The following C12orf50 variants were observed in gnomAD, a reference collection of about 807,000 sequenced individuals.
C12orf50 encodes the protein zinc finger CCCH-type containing 11D.
In C12orf50, 35 loss-of-function variants were observed where a neutral mutation model predicts 61.6. The observed-to-expected ratio is 0.57, with a 90% CI of 0.43 to 0.75. The LOEUF (loss-of-function observed/expected upper bound fraction) is 0.75, where lower values mean the gene tolerates loss of function less well. Ranked by LOEUF, C12orf50 falls within the 30% of genes least tolerant of loss-of-function variation. C12orf50 has a pLI of 0.00. For synonymous variants in C12orf50, 178 were observed against 161.5 expected, an observed-to-expected ratio of 1.10 and a Z score of -0.77; for missense variants, 475 against 488.5, an observed-to-expected ratio of 0.97 and a Z score of 0.26.
intron 3 of C12orf50, among the ~76,000 whole-genome samples, chr12:88,023,912 C>A (rs1001096116): frequency 6.6e-6 from 1 of 151,984 alleles, no homozygotes; most frequent in Non-Finnish European, 1.5e-5. Context: ...GGTCTAATAT[C>A]CAGAATTTAT....
At chr12:88,001,430 G>A (rs562373646) in intron 3 of C12orf50, among the ~76,000 whole-genome samples, 2 of 151,276 alleles carry the variant, frequency 1.3e-5, no homozygotes, top group African/African-American at 4.8e-5. Context: ...ATTTTGTTGA[G>A]TATTTTTCAG....
chr12:88,028,329 C>T (rs943527238), intron 1 of C12orf50, among the ~76,000 whole-genome samples: 1 of 152,134 alleles, frequency 6.6e-6, no homozygotes, highest in Non-Finnish European at 1.5e-5. Context: ...AGGTTGACTC[C>T]ATTCAGGTTT....
intron 4 of C12orf50, 126 bp from the exon 5 acceptor site, chr12:87,996,772 C>T: frequency 1.5e-6 from 1 of 667,194 alleles, no homozygotes; most frequent in East Asian, 2.8e-5. Flanking sequence ...TTTCTAAAAT[C>T]AATAATTTTA....
intron 3 of C12orf50, among the ~76,000 whole-genome samples, chr12:88,009,809 G>A (rs1256132926): frequency 6.6e-6 from 1 of 151,982 alleles, no homozygotes; most frequent in Non-Finnish European, 1.5e-5. Flanking sequence ...TTATTTGGTG[G>A]TTTATCTTTT....
At chr12:88,026,858 A>G in intron 2 of C12orf50, 93 bp downstream of exon 2, 14 of 1,508,702 alleles carry the variant, frequency 9.3e-6, no homozygotes, top group Non-Finnish European at 1.2e-5. Flanking sequence ...AGAAGGAAGA[A>G]TGATTTCTTC....
Position 87,987,871 on chromosome 12 carries a change from A to T in C12orf50, c.796T>A (p.Cys266Ser), listed in dbSNP as rs755232303. The change falls in exon 9 of 13, where the codon TGC becomes AGC. Residue 266 changes from cysteine (C) to serine (S), a missense_variant. By Grantham distance (112) the Cys-to-Ser change is moderately radical. Transcript: ENST00000298699. ...TCACTTGAAGAGGGGTCCTCTCTGC[A>T]CTTCATACTGATATTCTCAGTAGCA... ...LNATENISMK[C>S]REDPSSMNDV... 6.2e-7 allele frequency: 1 copy of T among 1,607,216 alleles called. No individual in the cohort carries two copies. Among genetic ancestry groups the T allele is most frequent in the Non-Finnish European group, 8.5e-7 (1 of 1,174,958 alleles).
chr12:87,996,533 A>G (rs377049749), intron 5 of C12orf50, 36 bp downstream of exon 5: 8 of 1,590,280 alleles, frequency 5.0e-6, no homozygotes, highest in Non-Finnish European at 6.9e-6. Context: ...TTATCACATC[A>G]AGTATTAGAA....
chr12:88,018,161 C>A (rs529321442), intron 3 of C12orf50, among the ~76,000 whole-genome samples: 2 of 152,188 alleles, frequency 1.3e-5, no homozygotes, highest in South Asian at 2.1e-4. Flanking sequence ...CCTAGGAGGA[C>A]AAAATGGTTT....
In C12orf50 at chr12:88,008,372, G is replaced by A. The variant is rs541344330; in HGVS notation, c.134-10182C>T. Among the ~76,000 whole-genome samples, 33 of 152,138 alleles carry A rather than the reference G, an allele frequency of 2.2e-4. No homozygotes were observed. In the South Asian group the frequency reaches 2.7e-3, roughly 12 times the overall value. Reference sequence around the variant, plus strand: ...AGGATGATGGCCTCCAACTCCATCCGTGTCCCTGCAAAGAATATGATCTCA... The same window carrying A: ...AGGATGATGGCCTCCAACTCCATCCATGTCCCTGCAAAGAATATGATCTCA... On this transcript the variant is annotated intron_variant, in intron 3 of 12. Transcript: ENST00000298699.
intron 12 of C12orf50, among the ~76,000 whole-genome samples, chr12:87,981,840 T>C (rs1413890015): frequency 6.6e-6 from 1 of 152,068 alleles, no homozygotes; most frequent in Non-Finnish European, 1.5e-5. Flanking sequence ...ATGGCTTGTC[T>C]TCCCCCTAAC....
intron 3 of C12orf50, among the ~76,000 whole-genome samples, chr12:88,003,064 GT>G (rs1312212689): frequency 2.0e-5 from 3 of 151,736 alleles, no homozygotes; most frequent in Admixed American, 6.6e-5. Flanking sequence ...ATAATTGTAT[GT>G]TTCTTAAAGG....
chr12:88,005,663 G>A lies in C12orf50; in HGVS notation c.134-7473C>T, dbSNP rs535328681. Among the ~76,000 whole-genome samples the A allele has an allele frequency of 3.5e-4, 53 of 152,024 alleles. No individual in the cohort carries two copies. The South Asian group carries it at 3.9e-3, about 11-fold the overall frequency. ...ATTTATTTATTTATTTTTTGGAGAC[G>A]GAGTCTCGCTCTGTCGCCCAGGCTG... On this transcript the variant is annotated intron_variant, in intron 3 of 12. Transcript: ENST00000298699.
intron 3 of C12orf50, among the ~76,000 whole-genome samples, chr12:88,002,365 T>C (rs549693790): frequency 5.5e-4 from 83 of 151,802 alleles, no homozygotes; most frequent in Non-Finnish European, 9.6e-4. Context: ...ATTTCAATCA[T>C]TTTAAATTTA....
At chr12:87,980,486 T>C (rs2030403908) in intron 12 of C12orf50, 130 bp from the exon 13 acceptor site, 4 of 797,498 alleles carry the variant, frequency 5.0e-6, no homozygotes, top group East Asian at 2.6e-5. Flanking sequence ...TTTTAACTTA[T>C]AAATTTTCAA....
chr12:88,026,465 T>C lies in C12orf50; in HGVS notation c.133+23A>G, dbSNP rs191602509. ...ACCAGATTAGAATATGGTAAGTCTA[T>C]GTTATTCAAAAAATGTACTCACTGC... is the stretch of plus-strand genomic sequence containing the variant. On this transcript the variant is annotated intron_variant, in intron 3 of 12. Coordinates refer to ENST00000298699, the MANE Select transcript of C12orf50 (RefSeq NM_152589.3). 5 of 1,611,724 alleles carry C rather than the reference T, an allele frequency of 3.1e-6. No individual in the cohort carries two copies. In the East Asian group the frequency reaches 6.7e-5, roughly 22 times the overall value.
intron 3 of C12orf50, among the ~76,000 whole-genome samples, chr12:88,006,018 G>A (rs1350308398): frequency 2.1e-5 from 3 of 145,998 alleles, no homozygotes; most frequent in East Asian, 4.3e-4. Flanking sequence ...CCGGGTTCAC[G>A]CCATTCTCCT....
At chr12:88,019,206 C>A (rs572896843) in intron 3 of C12orf50, among the ~76,000 whole-genome samples, 9,120 of 152,082 alleles carry the variant, frequency 0.06, 964 homozygotes, top group African/African-American at 0.21. Flanking sequence ...CAGGTATTTC[C>A]CATGCTGTTC....
intron 3 of C12orf50, among the ~76,000 whole-genome samples, chr12:87,998,735 C>A (rs891785603): frequency 6.6e-6 from 1 of 151,996 alleles, no homozygotes; most frequent in Non-Finnish European, 1.5e-5. Context: ...TCTGGACTAG[C>A]ATAAAAATAA....
intron 3 of C12orf50, among the ~76,000 whole-genome samples, chr12:88,020,395 C>T (rs1244579244): frequency 1.3e-5 from 2 of 152,034 alleles, no homozygotes; most frequent in Non-Finnish European, 2.9e-5. Flanking sequence ...GGTTGCAATC[C>T]TAATTTCAGG....
Sources: allele counts gnomAD v4.1 joint callset (sites outside exome capture counted in the v4.1 genomes callset), GRCh38; gene constraint gnomAD v4.1.1; transcripts MANE v1.5; gene names NCBI Gene and HGNC (gene_info 2026-07-23, HGNC 2026-07-21).